The following SEMA5A variants were observed in gnomAD, a reference collection of about 807,000 sequenced individuals.
The protein encoded by SEMA5A is semaphorin 5A.
A neutral mutation model predicts 135.5 loss-of-function variants in SEMA5A; 55 were observed. The observed-to-expected ratio is 0.41, with a 90% CI of 0.33 to 0.51. The LOEUF (loss-of-function observed/expected upper bound fraction) is 0.51, where lower values mean the gene tolerates loss of function less well. Ranked by LOEUF, SEMA5A falls within the 20% of genes least tolerant of loss-of-function variation. The pLI is 0.37. For synonymous variants in SEMA5A, 580 were observed against 546.5 expected (o/e 1.06, Z -0.85); for missense variants, 1,290 against 1,419.9 (o/e 0.91, Z 1.47).
chr5:9,339,501 C>G (rs1172883423), intron 3 of SEMA5A, among the ~76,000 whole-genome samples: 1 of 151,990 alleles, frequency 6.6e-6, no homozygotes, highest in East Asian at 1.9e-4. Flanking sequence ...GCAGTGCATG[C>G]AGCATACAAA....
chr5:9,484,660 T>A (rs1760009146), intron 1 of SEMA5A, among the ~76,000 whole-genome samples: 1 of 152,216 alleles, frequency 6.6e-6, no homozygotes, highest in Non-Finnish European at 1.5e-5. Context: ...GTTATTTGGA[T>A]TGTTCATATG....
intron 12 of SEMA5A, among the ~76,000 whole-genome samples, chr5:9,154,054 AAAAAAAAAATATAT>A (rs1742786792): frequency 2.1e-5 from 1 of 47,096 alleles, no homozygotes; most frequent in Non-Finnish European, 5.4e-5. Flanking sequence ...TCAAAAAAAA[AAAAAAAAAATATAT>A]ATATATATAT....
At chr5:9,268,857 GA>G (rs1287356889) in intron 5 of SEMA5A, among the ~76,000 whole-genome samples, 1 of 151,950 alleles carries the variant, frequency 6.6e-6, no homozygotes, top group Non-Finnish European at 1.5e-5. Flanking sequence ...ATAATTTGGG[GA>G]TAAATTATTA....
chr5:9,092,170 A>G (rs1206453108), intron 16 of SEMA5A, among the ~76,000 whole-genome samples: 1 of 152,200 alleles, frequency 6.6e-6, no homozygotes, highest in African/African-American at 2.4e-5. Context: ...TGGTTGTTCC[A>G]GGCTTATTGT....
intron 9 of SEMA5A, 104 bp downstream of exon 9, chr5:9,201,851 A>G: frequency 8.8e-7 from 1 of 1,141,332 alleles, no homozygotes; most frequent in South Asian, 1.6e-5. Flanking sequence ...TAAATTAAGA[A>G]AGATTTTCTC....
At chr5:9,320,865 C>T (rs1752600327) in intron 4 of SEMA5A, among the ~76,000 whole-genome samples, 2 of 152,138 alleles carry the variant, frequency 1.3e-5, no homozygotes, top group Admixed American at 1.3e-4. Flanking sequence ...GACCTTGAAA[C>T]CAGCACACCT....
chr5:9,332,343 G>T (rs993164514), intron 4 of SEMA5A, among the ~76,000 whole-genome samples: 3 of 151,968 alleles, frequency 2.0e-5, no homozygotes, highest in African/African-American at 7.3e-5. Context: ...GTTGTGGGCT[G>T]GTACTCACAT....
intron 2 of SEMA5A, 134 bp from the exon 3 acceptor site, chr5:9,380,157 A>G: frequency 1.7e-6 from 1 of 580,028 alleles, no homozygotes; most frequent in South Asian, 2.6e-5. Flanking sequence ...GGCTTAGAGC[A>G]GCATATTTTT....
At chr5:9,537,016 G>C (rs1302263748) in intron 1 of SEMA5A, among the ~76,000 whole-genome samples, 4 of 152,088 alleles carry the variant, frequency 2.6e-5, no homozygotes, top group Non-Finnish European at 5.9e-5. Context: ...ATACATCTTA[G>C]AGTGTCCAAA....
At chr5:9,492,963 A>T (rs1389818404) in intron 1 of SEMA5A, among the ~76,000 whole-genome samples, 1 of 152,082 alleles carries the variant, frequency 6.6e-6, no homozygotes, top group African/African-American at 2.4e-5. Flanking sequence ...CATTTGTCCA[A>T]ATCTGTAGAA....
At chr5:9,046,458 C>T (rs577291744) in intron 21 of SEMA5A, among the ~76,000 whole-genome samples, 13 of 152,292 alleles carry the variant, frequency 8.5e-5, no homozygotes, top group African/African-American at 2.4e-4. Context: ...GGGATTCCAC[C>T]CTGCCAATGC....
At chr5:9,447,381 A>C (rs1050744268) in intron 1 of SEMA5A, among the ~76,000 whole-genome samples, 1 of 152,202 alleles carries the variant, frequency 6.6e-6, no homozygotes, top group African/African-American at 2.4e-5. Context: ...GCTTAAACCT[A>C]GTGAATGTTC....
At chr5:9,057,433 C>A (rs1736953664) in intron 18 of SEMA5A, among the ~76,000 whole-genome samples, 1 of 152,236 alleles carries the variant, frequency 6.6e-6, no homozygotes, top group African/African-American at 2.4e-5. Flanking sequence ...TTATTCCTGT[C>A]CACATTTCTA....
At chr5:9,536,279 G>A (rs1737761437) in intron 1 of SEMA5A, among the ~76,000 whole-genome samples, 1 of 152,028 alleles carries the variant, frequency 6.6e-6, no homozygotes, top group Non-Finnish European at 1.5e-5. Context: ...GATAGATGGG[G>A]GAAAAGTCAC....
At chr5:9,144,671 C>G (rs73740357) in intron 12 of SEMA5A, among the ~76,000 whole-genome samples, 4,734 of 152,284 alleles carry the variant, frequency 0.031, 137 homozygotes, top group South Asian at 0.08. Flanking sequence ...TCATCAGTGC[C>G]TGAATCCCAG....
chr5:9,136,665 C>A, intron 12 of SEMA5A, 44 bp from the exon 13 acceptor site: 1 of 1,517,768 alleles, frequency 6.6e-7, no homozygotes, highest in Non-Finnish European at 9.2e-7. Context: ...TCGCTTTACC[C>A]ATGATAAGAT....
rs997333538 is a variant in SEMA5A, at chr5:9,379,757, C to A, written c.124+66G>T. On this transcript the variant is annotated intron_variant, in intron 3 of 22. Coordinates refer to ENST00000382496, the MANE Select transcript of SEMA5A (RefSeq NM_003966.3). ...AGCATTCGTGATGCTCTATTATCTT[C>A]TATCACTAAACACAGAATGTGCATT... is the stretch of plus-strand genomic sequence containing the variant. 1.9e-6 allele frequency: 3 copies of A among 1,572,910 alleles called. No homozygotes were observed. The African/African-American group carries it at 4.1e-5, about 21-fold the overall frequency.
intron 11 of SEMA5A, among the ~76,000 whole-genome samples, chr5:9,182,160 C>CAA (rs370384556): frequency 2.2e-5 from 3 of 138,514 alleles, no homozygotes; most frequent in African/African-American, 8.6e-5. Context: ...CCCCCCACCC[C>CAA]AAAAAAAAAT....
At chr5:9,183,912 C>T (rs1744662877) in intron 11 of SEMA5A, among the ~76,000 whole-genome samples, 2 of 152,174 alleles carry the variant, frequency 1.3e-5, no homozygotes, top group South Asian at 4.1e-4. Flanking sequence ...CCTAGAATAA[C>T]ATTCTTGAGT....
Sources: allele counts gnomAD v4.1 joint callset (sites outside exome capture counted in the v4.1 genomes callset), GRCh38; gene constraint gnomAD v4.1.1; transcripts MANE v1.5; gene names NCBI Gene and HGNC (gene_info 2026-07-23, HGNC 2026-07-21).